Variants in ZFHX3 observed in about 807,000 individuals in gnomAD.
ZFHX3 encodes the protein zinc finger homeobox protein 3.
Under a neutral mutation model 279.1 loss-of-function variants are expected in ZFHX3, and 42 were observed. The ratio of observed to expected loss-of-function variants is 0.15; its 90% CI spans 0.12 to 0.19. The LOEUF (loss-of-function observed/expected upper bound fraction) is 0.19. Among genes scored for constraint, ZFHX3 ranks in the 10% least tolerant of loss-of-function variants. The pLI is 1.00. For synonymous variants in ZFHX3, 2,293 were observed against 1,957.8 expected (o/e 1.17, Z -4.52); for missense variants, 4,981 against 4,754.0 (o/e 1.05, Z -1.40).
intron 1 of ZFHX3, among the ~76,000 whole-genome samples, chr16:73,039,117 TAA>T (rs11343058): frequency 9.3e-4 from 125 of 133,738 alleles, no homozygotes; most frequent in Middle Eastern, 3.8e-3. Flanking sequence ...CCTAGCTAAT[TAA>T]AAAAAAAAAA....
intron 3 of ZFHX3, among the ~76,000 whole-genome samples, chr16:72,908,035 T>C (rs1188956179): frequency 6.6e-6 from 1 of 152,130 alleles, no homozygotes; most frequent in African/African-American, 2.4e-5. Context: ...TCCCGCCCTT[T>C]TTCTGTCTGC....
chr16:73,860,653 C>A (rs1961857443), intron 1 of ZFHX3, among the ~76,000 whole-genome samples: 1 of 152,206 alleles, frequency 6.6e-6, no homozygotes, highest in African/African-American at 2.4e-5. Context: ...AAACGTGAAA[C>A]AAAGCAGACA....
intron 1 of ZFHX3, among the ~76,000 whole-genome samples, chr16:73,754,520 C>A (rs2142273809): frequency 6.6e-6 from 1 of 152,096 alleles, no homozygotes; most frequent in African/African-American, 2.4e-5. Flanking sequence ...TTGGGCCGAC[C>A]TTGCAGCCCC....
chr16:72,894,132 G>A (rs1377488508), intron 3 of ZFHX3, among the ~76,000 whole-genome samples: 2 of 133,890 alleles, frequency 1.5e-5, no homozygotes, highest in Non-Finnish European at 3.1e-5. Context: ...CTGGGCGACA[G>A]AGCAAAACTC....
chr16:73,303,963 GAA>G (rs201865011), intron 4 of ZFHX3, among the ~76,000 whole-genome samples: 1,097 of 76,050 alleles, frequency 0.014, 18 homozygotes, highest in African/African-American at 0.047. Flanking sequence ...ACCCTAGGTG[GAA>G]AAAAAAAAAA....
intron 2 of ZFHX3, among the ~76,000 whole-genome samples, chr16:73,626,738 C>G (rs570674992): frequency 1.3e-5 from 2 of 152,326 alleles, no homozygotes; most frequent in South Asian, 4.1e-4. Flanking sequence ...CATTATCCCT[C>G]CCATCCCCCA....
At chr16:73,252,231 A>C (rs1407929868) in intron 5 of ZFHX3, among the ~76,000 whole-genome samples, 1 of 152,210 alleles carries the variant, frequency 6.6e-6, no homozygotes, top group Non-Finnish European at 1.5e-5. Context: ...TTTTAGGAAA[A>C]TAAAACTGTG....
rs572545062 is a variant in ZFHX3, at chr16:73,810,426, G to T, written c.-1608+81225C>A. Among the ~76,000 whole-genome samples the T allele has an allele frequency of 9.2e-5, 14 of 152,282 alleles. No individual in the cohort carries two copies. The South Asian group carries it at 2.9e-3, about 32-fold the overall frequency. On this transcript the variant is annotated intron_variant, in intron 1 of 17. Coordinates refer to the ZFHX3 transcript ENST00000641206. ...CTTTAATTATTTGGTTATTAACCTA[G>T]ATAACCTCTAAGGGTTCTTAAATCT...
chr16:73,328,173 T>C (rs747367065), intron 3 of ZFHX3, among the ~76,000 whole-genome samples: 1 of 152,202 alleles, frequency 6.6e-6, no homozygotes, highest in Non-Finnish European at 1.5e-5. Context: ...GATTCTTGGA[T>C]CCATCTGTAG....
intron 2 of ZFHX3, among the ~76,000 whole-genome samples, chr16:73,508,157 C>T (rs1483442503): frequency 6.6e-6 from 1 of 152,116 alleles, no homozygotes; most frequent in Non-Finnish European, 1.5e-5. Context: ...TGTTCTGCCA[C>T]TAGGATGCTG....
At chr16:73,129,332 G>C (rs1394117765) in intron 7 of ZFHX3, among the ~76,000 whole-genome samples, 1 of 151,034 alleles carries the variant, frequency 6.6e-6, no homozygotes, top group Non-Finnish European at 1.5e-5. Flanking sequence ...AGGTTGCAGT[G>C]AGCCAAAATT....
At chr16:72,886,686 C>G (rs1221237356) in intron 4 of ZFHX3, among the ~76,000 whole-genome samples, 2 of 152,112 alleles carry the variant, frequency 1.3e-5, no homozygotes, top group Non-Finnish European at 2.9e-5. Flanking sequence ...AAGCACAAAC[C>G]CTGAGCAAGA....
In ZFHX3 at chr16:73,147,691, C is replaced by CAAAAAAAAA. The variant is rs56079754; in HGVS notation, c.-1103-3869_-1103-3861dup. Among the ~76,000 whole-genome samples the CAAAAAAAAA allele has an allele frequency of 2.1e-3, 87 of 40,898 alleles. 3 individuals carry two copies. The highest frequency in any genetic ancestry group is 9.3e-3 in the African/African-American group (85 of 9,182). 26.8% of individuals were successfully genotyped at this position (40,898 alleles called of 152,430 possible). A position where few individuals can be genotyped will look rare whatever the true frequency, so the allele number is the denominator to read the frequency against. ...TGGGCGACAGAGCGAGACTCCGTCT[C>CAAAAAAAAA]AAAAAAAAAAAAAAAAAAAAAAAAA... On this transcript the variant is annotated intron_variant, in intron 5 of 17. Transcript: ENST00000641206.
chr16:73,333,805 CAAAAAAAAAA>C (rs36006944), intron 3 of ZFHX3, among the ~76,000 whole-genome samples: 1 of 53,848 alleles, frequency 1.9e-5, no homozygotes, highest in Non-Finnish European at 3.4e-5. Flanking sequence ...CCCAAGAGAC[CAAAAAAAAAA>C]AAAAAAAAAA....
At chr16:73,792,211 T>C (rs1431836905) in intron 1 of ZFHX3, among the ~76,000 whole-genome samples, 2 of 152,216 alleles carry the variant, frequency 1.3e-5, no homozygotes, top group Admixed American at 6.5e-5. Context: ...AGTATAAAGA[T>C]CTATTTTATG....
chr16:72,865,997 A>C (rs1014956781), intron 4 of ZFHX3, among the ~76,000 whole-genome samples: 1 of 152,152 alleles, frequency 6.6e-6, no homozygotes, highest in Non-Finnish European at 1.5e-5. Context: ...CTCCTCCCAC[A>C]CAAAGGAAGC....
At chr16:73,689,594 G>A (rs1411020556) in intron 1 of ZFHX3, among the ~76,000 whole-genome samples, 2 of 152,152 alleles carry the variant, frequency 1.3e-5, no homozygotes, top group Admixed American at 6.5e-5. Context: ...TTAGAGGGAG[G>A]GCTAAGGGAA....
intron 1 of ZFHX3, among the ~76,000 whole-genome samples, chr16:72,976,910 G>A (rs550293194): frequency 3.3e-5 from 5 of 152,318 alleles, no homozygotes; most frequent in South Asian, 2.1e-4. Context: ...TAACCCCCAC[G>A]GGGGTCTCGC....
intron 1 of ZFHX3, among the ~76,000 whole-genome samples, chr16:73,774,250 G>T (rs866203502): frequency 6.6e-6 from 1 of 152,162 alleles, no homozygotes; most frequent in African/African-American, 2.4e-5. Flanking sequence ...GGTGGACATT[G>T]TCTATTTTAC....
Sources: gnomAD v4.1 joint callset for allele counts (sites outside exome capture counted in the v4.1 genomes callset) on GRCh38, gnomAD v4.1.1 for gene constraint, MANE v1.5 for transcripts, NCBI Gene and HGNC (gene_info 2026-07-23, HGNC 2026-07-21) for gene names.